The following AKT3 variants were observed in gnomAD, a reference collection of about 807,000 sequenced individuals.
AKT3 encodes AKT serine/threonine kinase 3.
In AKT3, 15 loss-of-function variants were observed where a neutral mutation model predicts 65.3. The ratio of observed to expected loss-of-function variants is 0.23; its 90% CI spans 0.15 to 0.35. The LOEUF is 0.35. Among genes scored for constraint, AKT3 ranks in the 10% least tolerant of loss-of-function variants. The pLI, the probability that AKT3 is intolerant of heterozygous loss-of-function variation, is 1.00. For missense variants in AKT3, 243 were observed against 576.5 expected (o/e 0.42, Z 5.92); for synonymous variants, 206 against 183.8 (o/e 1.12, Z -0.98).
intron 12 of AKT3, among the ~76,000 whole-genome samples, chr1:243,541,427 C>CTT (rs35766979): frequency 2.4e-4 from 35 of 148,624 alleles, no homozygotes; most frequent in Admixed American, 8.7e-4. Flanking sequence ...TAGGTCTTGC[C>CTT]TTTTTTTTTT....
intron 4 of AKT3, among the ~76,000 whole-genome samples, chr1:243,653,144 T>C (rs1178529506): frequency 1.3e-5 from 2 of 151,664 alleles, no homozygotes; most frequent in African/African-American, 4.9e-5. Context: ...ATAGACACAA[T>C]AAAAAATGAT....
chr1:243,839,088 G>T lies in AKT3; in HGVS notation c.46+4037C>A, dbSNP rs79714325. Among the ~76,000 whole-genome samples, 734 of 151,988 alleles carry T rather than the reference G, an allele frequency of 4.8e-3. 9 individuals carry two copies. The highest frequency in any genetic ancestry group is 0.017 in the African/African-American group (696 of 41,476). ...TTCCACATTTATAAAAGACTACTTA[G>T]GTTTTTATGAAATTTTATTAAGCAA... On this transcript the variant is annotated intron_variant, in intron 2 of 13. Transcript: ENST00000673466.
intron 2 of AKT3, chr1:243,814,765 A>T (rs1693400072): frequency 6.6e-6 from 1 of 152,206 alleles, no homozygotes; most frequent in Non-Finnish European, 1.5e-5. Context: ...ACTTTAAAAT[A>T]ACAATAAGCC....
chr1:243,707,133 A>C (rs1219708649), intron 2 of AKT3, among the ~76,000 whole-genome samples: 1 of 152,214 alleles, frequency 6.6e-6, no homozygotes, highest in Admixed American at 6.5e-5. Context: ...TAACTGAATA[A>C]AACATCTCAG....
chr1:243,688,130 A>G (rs1684459173), intron 3 of AKT3, among the ~76,000 whole-genome samples: 3 of 152,148 alleles, frequency 2.0e-5, no homozygotes, highest in Non-Finnish European at 4.4e-5. Context: ...ATCAATTAAA[A>G]ATGTTTTTTA....
In AKT3 at chr1:243,501,965, G is replaced by A. The variant is rs917830993; in HGVS notation, c.*3284C>T. 2 of 232,630 alleles carry A rather than the reference G, an allele frequency of 8.6e-6. No individual in the cohort carries two copies. Among genetic ancestry groups the A allele is most frequent in the Non-Finnish European group, 1.7e-5 (2 of 117,780 alleles). The allele number at this position is 232,630 out of a possible 1,614,324, so 14.4% of individuals were successfully genotyped here. A position where few individuals can be genotyped will look rare whatever the true frequency, so the allele number is the denominator to read the frequency against. On this transcript the variant is annotated 3_prime_UTR_variant, in exon 14 of 14. Coordinates refer to ENST00000673466, the MANE Select transcript of AKT3 (RefSeq NM_005465.7). ...ACAGTAATAGTAATACAGTTTCTTG[G>A]GTTTATAGTTGCATCTGCTTAAAAT...
At chr1:243,509,078 G>T (rs553906806) in intron 13 of AKT3, among the ~76,000 whole-genome samples, 1 of 152,302 alleles carries the variant, frequency 6.6e-6, no homozygotes, top group East Asian at 1.9e-4. Context: ...CAATCTAGAA[G>T]TGAACCTATT....
At chr1:243,719,759 T>C (rs187132812) in intron 2 of AKT3, among the ~76,000 whole-genome samples, 1 of 152,168 alleles carries the variant, frequency 6.6e-6, no homozygotes, top group East Asian at 1.9e-4. Context: ...TGAACACAGA[T>C]GTTCATGACC....
chr1:243,579,376 A>C (rs1049130813), intron 8 of AKT3, among the ~76,000 whole-genome samples: 4 of 152,210 alleles, frequency 2.6e-5, no homozygotes, highest in Non-Finnish European at 5.9e-5. Flanking sequence ...GGGTACTACT[A>C]TACATAGGAC....
At chr1:243,652,274 T>A (rs778267839) in intron 4 of AKT3, among the ~76,000 whole-genome samples, 3 of 152,070 alleles carry the variant, frequency 2.0e-5, no homozygotes, top group Non-Finnish European at 4.4e-5. Context: ...GATCTCGAAC[T>A]CCTGACCTCA....
chr1:243,843,307 A>ATTTTTTT, intron 1 of AKT3, 25 bp from the exon 2 acceptor site: 1 of 1,385,042 alleles, frequency 7.2e-7, no homozygotes, highest in Middle Eastern at 1.9e-4. Flanking sequence ...TGAAGAAAGA[A>ATTTTTTT]TTTTTTTTCC....
chr1:243,742,071 A>AC lies in AKT3; in HGVS notation c.47-46356_47-46355insG, dbSNP rs533585258. Among the ~76,000 whole-genome samples the AC allele has an allele frequency of 1.3e-3, 195 of 151,128 alleles. 1 individual carries two copies. The highest frequency in any genetic ancestry group is 4.5e-3 in the African/African-American group (188 of 41,354). ...ACAGATAGAAAATTAAAAAAAAAAA[A>AC]AAAAAACAGTAAAAAATAACAATAG... On this transcript the variant is annotated intron_variant, in intron 2 of 13. Coordinates refer to ENST00000673466, the MANE Select transcript of AKT3 (RefSeq NM_005465.7).
At chr1:243,636,947 A>C (rs1680018407) in intron 6 of AKT3, among the ~76,000 whole-genome samples, 1 of 152,148 alleles carries the variant, frequency 6.6e-6, no homozygotes, top group Non-Finnish European at 1.5e-5. Flanking sequence ...AATAACTGGA[A>C]GTTGAAGTAG....
chr1:243,545,658 CAA>C (rs1233047536), intron 11 of AKT3, 61 bp from the exon 12 acceptor site: 1 of 1,213,568 alleles, frequency 8.2e-7, no homozygotes, highest in Admixed American at 1.9e-5. Flanking sequence ...CAAAGCATAA[CAA>C]AAAATATTTT....
At chr1:243,544,698 G>GTTTT (rs149837431) in intron 12 of AKT3, among the ~76,000 whole-genome samples, 1 of 93,962 alleles carries the variant, frequency 1.1e-5, no homozygotes, top group Non-Finnish European at 2.7e-5. Flanking sequence ...GTGGTTTTTT[G>GTTTT]TTTTTTGTTT....
At chr1:243,725,874 T>C (rs893557197) in intron 2 of AKT3, among the ~76,000 whole-genome samples, 6 of 152,234 alleles carry the variant, frequency 3.9e-5, no homozygotes, top group Non-Finnish European at 5.9e-5. Context: ...ATATATGTTG[T>C]TACAATTTTC....
At chr1:243,787,625 A>G (rs1332968811) in intron 2 of AKT3, among the ~76,000 whole-genome samples, 1 of 152,208 alleles carries the variant, frequency 6.6e-6, no homozygotes, top group Non-Finnish European at 1.5e-5. Flanking sequence ...TTCCCTTGCA[A>G]TTAATAATTT....
At chr1:243,620,794 C>G (rs950551198) in intron 6 of AKT3, among the ~76,000 whole-genome samples, 1 of 152,038 alleles carries the variant, frequency 6.6e-6, no homozygotes, top group Admixed American at 6.6e-5. Flanking sequence ...ATACTTTGTT[C>G]TTGATGCTCC....
At chr1:243,566,633 C>G (rs534466286) in intron 9 of AKT3, among the ~76,000 whole-genome samples, 5 of 152,224 alleles carry the variant, frequency 3.3e-5, no homozygotes, top group African/African-American at 1.2e-4. Flanking sequence ...AAAATTTGAG[C>G]TTTATCCCTT....
Sources: allele counts gnomAD v4.1 joint callset (sites outside exome capture counted in the v4.1 genomes callset), GRCh38; gene constraint gnomAD v4.1.1; transcripts MANE v1.5; gene names NCBI Gene and HGNC (gene_info 2026-07-23, HGNC 2026-07-21).